The following DMD variants were observed in gnomAD, a reference collection of about 807,000 sequenced individuals.
DMD encodes the protein mutant dystrophin.
DMD carries 63 observed loss-of-function variants against 330.1 expected under a neutral mutation model. That is an observed-to-expected ratio of 0.19 (90% confidence interval 0.16 to 0.24). DMD has a LOEUF of 0.24. DMD is among the 10% of genes least tolerant of loss of function. The pLI, the probability that DMD is intolerant of heterozygous loss-of-function variation, is 1.00. For synonymous variants in DMD, 1,223 were observed against 959.8 expected, an observed-to-expected ratio of 1.27 and a Z score of -5.07; for missense variants, 3,344 against 2,684.1, an observed-to-expected ratio of 1.25 and a Z score of -5.43.
chrX:32,565,662 C>A (rs752526228), intron 16 of DMD, 40 bp downstream of exon 16: 13 of 1,178,281 alleles, frequency 1.1e-5, no homozygotes, highest in Non-Finnish European at 1.5e-5. Flanking sequence ...TTTAAAAAAT[C>A]TCTGAGATAG....
chrX:32,258,277 C>A (rs2097307530), intron 43 of DMD, among the ~76,000 whole-genome samples: 1 of 111,621 alleles, frequency 9.0e-6, no homozygotes. Flanking sequence ...GGATACAGAA[C>A]CAGAAATACC....
intron 7 of DMD, among the ~76,000 whole-genome samples, chrX:32,774,850 G>A (rs757670536): frequency 3.0e-5 from 3 of 99,969 alleles, no homozygotes; most frequent in South Asian, 3.9e-4. Flanking sequence ...CAACAGTCTC[G>A]CAAAGTCTTA....
chrX:32,890,288 G>T (rs1327828540), intron 2 of DMD, among the ~76,000 whole-genome samples: 2 of 111,538 alleles, frequency 1.8e-5, no homozygotes, highest in Non-Finnish European at 3.8e-5. Flanking sequence ...TGCTTTATAT[G>T]TTCTGGGTAG....
intron 2 of DMD, among the ~76,000 whole-genome samples, chrX:33,007,167 T>A (rs2093413428): frequency 9.1e-6 from 1 of 110,440 alleles, no homozygotes; most frequent in African/African-American, 3.3e-5. Flanking sequence ...AATCTCCTAA[T>A]CTCCCACAAT....
rs543664556 is a variant in DMD, at chrX:32,813,608, A to G, written c.530+2860T>C. Among the ~76,000 whole-genome samples, 5 of 112,037 alleles carry G rather than the reference A, an allele frequency of 4.5e-5. No homozygotes were observed. The South Asian group carries it at 1.8e-3, about 41-fold the overall frequency. On this transcript the variant is annotated intron_variant, in intron 6 of 78. Coordinates refer to ENST00000357033, the MANE Select transcript of DMD (RefSeq NM_004006.3). ...CTATTATTTTGCTGTAATGTTAATT[A>G]CATTTATATAAGAAGAGTGATGTAT...
intron 50 of DMD, among the ~76,000 whole-genome samples, chrX:31,779,704 T>TGTGG (rs1384735262): frequency 9.1e-6 from 1 of 110,439 alleles, no homozygotes; most frequent in African/African-American, 3.3e-5. Context: ...TGTGTGTGTG[T>TGTGG]GTGTGTGTGT....
chrX:31,951,127 A>ATATATATATATG (rs1206015979), intron 45 of DMD, among the ~76,000 whole-genome samples: 17 of 82,030 alleles, frequency 2.1e-4, no homozygotes, highest in African/African-American at 8.9e-4. Flanking sequence ...ATATACATAT[A>ATATATATATATG]TATATATATA....
At chrX:31,528,713 T>C (rs1225390341) in intron 55 of DMD, among the ~76,000 whole-genome samples, 1 of 112,123 alleles carries the variant, frequency 8.9e-6, no homozygotes, top group African/African-American at 3.2e-5. Flanking sequence ...AGGAAGAAAA[T>C]ATATGGTGAG....
chrX:32,931,841 G>A (rs2089622122), intron 2 of DMD, among the ~76,000 whole-genome samples: 1 of 111,369 alleles, frequency 9.0e-6, no homozygotes, highest in Admixed American at 9.6e-5. Context: ...TTCATTTTAA[G>A]GTTTGAAACT....
chrX:32,411,280 G>A (rs2098140854), intron 30 of DMD, among the ~76,000 whole-genome samples: 2 of 110,726 alleles, frequency 1.8e-5, no homozygotes, highest in African/African-American at 6.6e-5. Flanking sequence ...ACAGGCGCGT[G>A]CCAACAAACC....
At chrX:33,161,857 A>G (rs1385828479) in intron 1 of DMD, among the ~76,000 whole-genome samples, 1 of 112,440 alleles carries the variant, frequency 8.9e-6, no homozygotes, top group Non-Finnish European at 1.9e-5. Context: ...TAAATTACTA[A>G]GTTATTTTGC....
chrX:32,731,052 G>A (rs1046666572), intron 7 of DMD, among the ~76,000 whole-genome samples: 6 of 111,368 alleles, frequency 5.4e-5, no homozygotes, highest in South Asian at 3.8e-4. Flanking sequence ...CAGTGGGTGC[G>A]TGCACCGTGC....
chrX:32,360,994 G>C (rs1035102107), intron 37 of DMD, among the ~76,000 whole-genome samples: 2 of 110,301 alleles, frequency 1.8e-5, no homozygotes, highest in Non-Finnish European at 3.8e-5. Flanking sequence ...ACTTGTATTG[G>C]CTGGGTCTGT....
At chrX:32,380,463 G>A in intron 34 of DMD, 47 bp downstream of exon 34, 1 of 1,102,757 alleles carries the variant, frequency 9.1e-7, no homozygotes, top group Non-Finnish European at 1.3e-6. Flanking sequence ...ATCATATTAT[G>A]TGTTTTCACG....
chrX:32,720,611 A>C (rs990229479), intron 7 of DMD, among the ~76,000 whole-genome samples: 3 of 111,499 alleles, frequency 2.7e-5, no homozygotes, highest in Non-Finnish European at 5.7e-5. Context: ...TCTACATTAA[A>C]AATGATGTTA....
intron 50 of DMD, among the ~76,000 whole-genome samples, chrX:31,803,929 C>A (rs761462204): frequency 9.1e-6 from 1 of 110,403 alleles, no homozygotes; most frequent in Non-Finnish European, 1.9e-5. Context: ...AAACTCCCGA[C>A]CTCAGGTGAT....
At chrX:31,192,823 C>A (rs2042518980) in intron 67 of DMD, among the ~76,000 whole-genome samples, 1 of 111,888 alleles carries the variant, frequency 8.9e-6, no homozygotes, top group Non-Finnish European at 1.9e-5. Context: ...GCAAGGCGAT[C>A]CCCAAAATCT....
intron 52 of DMD, among the ~76,000 whole-genome samples, chrX:31,682,770 T>C (rs1007875141): frequency 1.8e-5 from 2 of 112,429 alleles, no homozygotes; most frequent in Non-Finnish European, 3.8e-5. Flanking sequence ...TTTTTTAGAA[T>C]GCCTAGTGGT....
intron 50 of DMD, among the ~76,000 whole-genome samples, chrX:31,819,063 C>T (rs1037098752): frequency 9.0e-6 from 1 of 110,695 alleles, no homozygotes; most frequent in African/African-American, 3.3e-5. Flanking sequence ...AAAAACAACA[C>T]CCAAAGATGT....
Sources: gnomAD v4.1 joint callset for allele counts (sites outside exome capture counted in the v4.1 genomes callset) on GRCh38, gnomAD v4.1.1 for gene constraint, MANE v1.5 for transcripts, NCBI Gene and HGNC (gene_info 2026-07-23, HGNC 2026-07-21) for gene names.